The following PIBF1 variants were observed in gnomAD, a reference collection of about 807,000 sequenced individuals.
The protein encoded by PIBF1 is progesterone-induced-blocking factor 1.
A neutral mutation model predicts 112.5 loss-of-function variants in PIBF1; 90 were observed. The ratio of observed to expected loss-of-function variants is 0.80; its 90% CI spans 0.67 to 0.95. PIBF1 has a LOEUF of 0.95. Among genes scored for constraint, PIBF1 ranks in the 40% least tolerant of loss-of-function variants. The pLI is 0.00. For synonymous variants in PIBF1, 301 were observed against 288.6 expected, an observed-to-expected ratio of 1.04 and a Z score of -0.44; for missense variants, 915 against 852.3, an observed-to-expected ratio of 1.07 and a Z score of -0.92.
intron 9 of PIBF1, among the ~76,000 whole-genome samples, chr13:72,844,725 A>G (rs1299793975): frequency 8.0e-6 from 1 of 125,012 alleles, no homozygotes; most frequent in Non-Finnish European, 1.7e-5. Flanking sequence ...CTGTAATTTT[A>G]TTTACACACA....
chr13:72,782,749 T>G (rs2034347872), intron 1 of PIBF1, among the ~76,000 whole-genome samples: 1 of 152,194 alleles, frequency 6.6e-6, no homozygotes, highest in African/African-American at 2.4e-5. Context: ...CATTCTGCTA[T>G]CTATAAAAAA....
intron 14 of PIBF1, among the ~76,000 whole-genome samples, chr13:72,932,998 A>T (rs1461706228): frequency 6.6e-6 from 1 of 152,170 alleles, no homozygotes; most frequent in Non-Finnish European, 1.5e-5. Context: ...GCTCATATGA[A>T]CATTCATGTA....
chr13:72,814,485 GTAAAAAATTATA>G (rs1324928999), intron 5 of PIBF1, among the ~76,000 whole-genome samples: 1 of 147,516 alleles, frequency 6.8e-6, no homozygotes, highest in African/African-American at 2.5e-5. Flanking sequence ...TAATTTTTAA[GTAAAAAATTATA>G]TAATAAATTT....
chr13:73,002,047 T>C lies in PIBF1; in HGVS notation c.2223+3052T>C, dbSNP rs148716817. 4.2e-4 allele frequency among the ~76,000 whole-genome samples: 64 copies of C among 152,316 alleles called. No homozygotes were observed. The East Asian group carries it at 0.01, about 24-fold the overall frequency. On this transcript the variant is annotated intron_variant, in intron 17 of 17. Coordinates refer to ENST00000326291, the MANE Select transcript of PIBF1 (RefSeq NM_006346.4). ...AAGCTCTGGCCTTTGAAATGACATA[T>C]GTGACAGAGTCATTGTTCAGGCACT...
chr13:72,827,474 C>G (rs992976836), intron 7 of PIBF1, among the ~76,000 whole-genome samples: 1 of 151,928 alleles, frequency 6.6e-6, no homozygotes, highest in Admixed American at 6.6e-5. Context: ...GTCGCAAACT[C>G]CTGACCTCAA....
Position 72,821,938 on chromosome 13 carries a change from T to A in PIBF1, c.762T>A (p.Ile254=). 6.2e-7 allele frequency: 1 copy of A among 1,612,824 alleles called. No homozygotes were observed. Among genetic ancestry groups the A allele is most frequent in the Non-Finnish European group, 8.5e-7 (1 of 1,179,342 alleles). The change falls in exon 6 of 18, where the codon ATT becomes ATA. Residue 254 remains isoleucine (I), a synonymous_variant. Transcript: ENST00000326291. The part of the protein sequence containing the change: ...ALELADTKQL[I]QQGDYRQENY... The stretch of plus-strand genomic sequence containing the variant: ...AATTAGCAGACACAAAACAGTTAAT[T>A]CAGCAAGGTGACTACCGTCAAGAGA...
At chr13:72,815,855 T>C (rs2138087678) in intron 5 of PIBF1, among the ~76,000 whole-genome samples, 1 of 152,278 alleles carries the variant, frequency 6.6e-6, no homozygotes, top group East Asian at 1.9e-4. Flanking sequence ...ATCTCAATTA[T>C]TCAAAAGGCA....
At chr13:73,007,784 G>A (rs917885442) in intron 17 of PIBF1, among the ~76,000 whole-genome samples, 19 of 148,150 alleles carry the variant, frequency 1.3e-4, no homozygotes, top group Non-Finnish European at 2.2e-4. Flanking sequence ...ACTCCAGCCT[G>A]GGCAACAAGA....
At chr13:72,797,840 A>G (rs2035271073) in intron 4 of PIBF1, 67 bp from the exon 5 acceptor site, 1 of 1,211,594 alleles carries the variant, frequency 8.3e-7, no homozygotes, top group Non-Finnish European at 1.2e-6. Flanking sequence ...AAGTGAGAGC[A>G]CTACAAATTA....
At position 72,987,861 on chromosome 13, in the gene PIBF1, T is replaced by TA. The variant is rs113440808; in HGVS notation, c.2050-10961_2050-10960insA. On this transcript the variant is annotated intron_variant, in intron 16 of 17. Transcript: ENST00000326291. ...TAATTTATTTATTTATTTATTTATT[T>TA]TTTTTTTTTTTTTTTTTTTTGAGGC... 8.5e-3 allele frequency among the ~76,000 whole-genome samples: 733 copies of TA among 86,702 alleles called. 11 individuals carry two copies. The highest frequency in any genetic ancestry group is 0.018 in the African/African-American group (399 of 22,196). The allele number at this position is 86,702 out of a possible 152,430, so 56.9% of individuals were successfully genotyped here.
chr13:72,826,225 G>A lies in PIBF1; in HGVS notation c.807-785G>A, dbSNP rs114667912. 7.0e-3 allele frequency among the ~76,000 whole-genome samples: 1,063 copies of A among 152,150 alleles called. 15 individuals are homozygous for A. Among genetic ancestry groups the A allele is most frequent in the African/African-American group, 0.025 (1,026 of 41,518 alleles). On this transcript the variant is annotated intron_variant, in intron 6 of 17. Coordinates refer to ENST00000326291, the MANE Select transcript of PIBF1 (RefSeq NM_006346.4). ...ATAGTCATCTTTACTTATTGGGTTT[G>A]TAGGTGATTGTTATTTTGTGCTTTG...
At chr13:72,890,756 A>G (rs139038268) in intron 10 of PIBF1, among the ~76,000 whole-genome samples, 56 of 152,304 alleles carry the variant, frequency 3.7e-4, no homozygotes, top group African/African-American at 1.3e-3. Context: ...GTGATGGGTT[A>G]TATTAGCAAA....
chr13:72,880,877 G>C (rs1360893737), intron 10 of PIBF1, among the ~76,000 whole-genome samples: 7 of 152,144 alleles, frequency 4.6e-5, no homozygotes, highest in African/African-American at 1.4e-4. Context: ...CTTGAATGCA[G>C]ATTTCAGCTT....
intron 14 of PIBF1, among the ~76,000 whole-genome samples, chr13:72,946,949 G>A (rs1354892631): frequency 1.3e-5 from 2 of 152,144 alleles, no homozygotes; most frequent in African/African-American, 2.4e-5. Context: ...ACAGTTCTGG[G>A]GTCTGGAAGA....
At chr13:72,957,029 G>A (rs2042465504) in intron 14 of PIBF1, among the ~76,000 whole-genome samples, 1 of 152,290 alleles carries the variant, frequency 6.6e-6, no homozygotes, top group South Asian at 2.1e-4. Flanking sequence ...TATTGGCATG[G>A]ATGTGGTGAA....
At chr13:73,003,658 T>A (rs2043944605) in intron 17 of PIBF1, among the ~76,000 whole-genome samples, 1 of 152,152 alleles carries the variant, frequency 6.6e-6, no homozygotes, top group Non-Finnish European at 1.5e-5. Context: ...CTGCTGCTCC[T>A]ATAGGATCAA....
Position 72,994,804 on chromosome 13 carries a change from G to A in PIBF1, c.2050-4018G>A, listed in dbSNP as rs192459166. 3.8e-4 allele frequency among the ~76,000 whole-genome samples: 58 copies of A among 152,268 alleles called. No individual in the cohort carries two copies. In the East Asian group the frequency reaches 8.3e-3, roughly 22 times the overall value. ...TCATCTTACCAAAGGATTTCTCTTCGTAGTGACAAAAATGTTTTCTAATTA... is the reference window on the plus strand; with the variant it reads ...TCATCTTACCAAAGGATTTCTCTTCATAGTGACAAAAATGTTTTCTAATTA... On this transcript the variant is annotated intron_variant, in intron 16 of 17. Transcript: ENST00000326291.
rs767460633 is a variant in PIBF1, at chr13:72,959,197, T to C, written c.1834-6077T>C. ...TTTTAGTAGAGACGGGGTTTTGCCATGTTGGCCAGGCTGGTCTCAAATTCC... is the reference window on the plus strand; with the variant it reads ...TTTTAGTAGAGACGGGGTTTTGCCACGTTGGCCAGGCTGGTCTCAAATTCC... On this transcript the variant is annotated intron_variant, in intron 14 of 17. Coordinates refer to ENST00000326291, the MANE Select transcript of PIBF1 (RefSeq NM_006346.4). Among the ~76,000 whole-genome samples the C allele has an allele frequency of 1.6e-4, 24 of 151,760 alleles. No individual in the cohort carries two copies. The Middle Eastern group carries it at 0.017, about 108-fold the overall frequency.
chr13:72,791,883 C>T (rs965506931), intron 2 of PIBF1, among the ~76,000 whole-genome samples: 2 of 152,044 alleles, frequency 1.3e-5, no homozygotes, highest in Non-Finnish European at 2.9e-5. Flanking sequence ...GTCTGCCCGC[C>T]TCGGCCTCCC....
Sources: gnomAD v4.1 joint callset for allele counts (sites outside exome capture counted in the v4.1 genomes callset) on GRCh38, gnomAD v4.1.1 for gene constraint, MANE v1.5 for transcripts, NCBI Gene and HGNC (gene_info 2026-07-23, HGNC 2026-07-21) for gene names.